Variants in ZFHX4 observed in about 807,000 individuals in gnomAD.
ZFHX4 encodes zinc finger homeobox protein 4.
ZFHX4 carries 56 observed loss-of-function variants against 267.6 expected under a neutral mutation model. The observed-to-expected ratio is 0.21, with a 90% confidence interval of 0.17 to 0.26. The LOEUF (loss-of-function observed/expected upper bound fraction) is 0.26, where lower values mean the gene tolerates loss of function less well. Ranked by LOEUF, ZFHX4 falls within the 10% of genes least tolerant of loss-of-function variation. ZFHX4 has a pLI of 1.00. For missense variants in ZFHX4, 4,332 were observed against 4,420.0 expected (o/e 0.98, Z 0.56); for synonymous variants, 1,778 against 1,665.6 (o/e 1.07, Z -1.64).
At chr8:76,783,587 A>T (rs1231515639) in intron 4 of ZFHX4, among the ~76,000 whole-genome samples, 3 of 152,028 alleles carry the variant, frequency 2.0e-5, no homozygotes, top group Non-Finnish European at 4.4e-5. Flanking sequence ...TGCATAATGT[A>T]TATAAAATAT....
chr8:76,737,289 T>C (rs563217824), intron 3 of ZFHX4, among the ~76,000 whole-genome samples: 7 of 152,186 alleles, frequency 4.6e-5, no homozygotes, highest in African/African-American at 1.7e-4. Flanking sequence ...ATTTCGACTT[T>C]AAGAAAATAT....
intron 4 of ZFHX4, among the ~76,000 whole-genome samples, chr8:76,780,601 T>G (rs1810522219): frequency 6.6e-6 from 1 of 152,068 alleles, no homozygotes; most frequent in African/African-American, 2.4e-5. Context: ...CTTCTCAAGC[T>G]CTCTTTTGGC....
At chr8:76,764,449 A>C (rs1210434281) in intron 3 of ZFHX4, among the ~76,000 whole-genome samples, 2 of 152,190 alleles carry the variant, frequency 1.3e-5, no homozygotes, top group African/African-American at 4.8e-5. Context: ...TTGAGATCTC[A>C]ACTGTAACTG....
intron 4 of ZFHX4, among the ~76,000 whole-genome samples, chr8:76,785,387 C>A (rs1306553661): frequency 6.6e-6 from 1 of 151,984 alleles, no homozygotes. Flanking sequence ...TAATGGAAAT[C>A]GGTGAAAACA....
Position 76,706,058 on chromosome 8 carries a change from A to C in ZFHX4, c.1970A>C (p.Gln657Pro). The change falls in exon 2 of 11, where the codon CAG (glutamine) becomes CCG (proline). Residue 657 changes from glutamine to proline, a missense_variant. By Grantham distance (76) the Gln-to-Pro change is moderately conservative. Coordinates refer to ENST00000651372, the MANE Select transcript of ZFHX4 (RefSeq NM_024721.5). ...PKCNWHYKYQ[Q>P]TLEAHMKEKH... ...TGTAACTGGCACTACAAATATCAGC[A>C]GACCCTGGAGGCCCATATGAAGGAG... The C allele has an allele frequency of 6.2e-7, 1 of 1,613,760 alleles. No individual in the cohort carries two copies. Among genetic ancestry groups the C allele is most frequent in the Non-Finnish European group, 8.5e-7 (1 of 1,179,848 alleles).
At chr8:76,819,550 G>C (rs62516841) in intron 4 of ZFHX4, among the ~76,000 whole-genome samples, 1 of 152,022 alleles carries the variant, frequency 6.6e-6, no homozygotes, top group Non-Finnish European at 1.5e-5. Context: ...GGTGGGTGCC[G>C]CTCTTCTGGG....
At chr8:76,731,678 T>C (rs1809014830) in intron 3 of ZFHX4, among the ~76,000 whole-genome samples, 1 of 152,044 alleles carries the variant, frequency 6.6e-6, no homozygotes, top group Non-Finnish European at 1.5e-5. Context: ...TTTCACACTT[T>C]CAGTATTAGT....
At chr8:76,860,514 C>T (rs1812838052) in intron 10 of ZFHX4, among the ~76,000 whole-genome samples, 1 of 152,018 alleles carries the variant, frequency 6.6e-6, no homozygotes, top group African/African-American at 2.4e-5. Flanking sequence ...TAAAATTTAT[C>T]TTGTCTTAAA....
intron 3 of ZFHX4, among the ~76,000 whole-genome samples, chr8:76,740,934 T>C (rs1809299342): frequency 6.6e-6 from 1 of 152,174 alleles, no homozygotes; most frequent in African/African-American, 2.4e-5. Context: ...GGCTCTGATA[T>C]AGTTTTGAAA....
intron 10 of ZFHX4, among the ~76,000 whole-genome samples, chr8:76,859,359 T>G (rs894589058): frequency 3.3e-5 from 5 of 152,126 alleles, no homozygotes; most frequent in African/African-American, 9.7e-5. Context: ...ATTTTTTTCT[T>G]TAATTTTTGT....
chr8:76,791,207 A>G (rs1382477589), intron 4 of ZFHX4, among the ~76,000 whole-genome samples: 1 of 152,136 alleles, frequency 6.6e-6, no homozygotes, highest in Non-Finnish European at 1.5e-5. Flanking sequence ...CTGAATTTCA[A>G]GAGTTTGGAG....
At position 76,681,537 on chromosome 8, in the gene ZFHX4, C is replaced by G; in HGVS notation, c.-130C>G. 1 of 398,056 alleles carries G rather than the reference C, an allele frequency of 2.5e-6. No individual in the cohort carries two copies. The highest frequency in any genetic ancestry group is 4.4e-6 in the Non-Finnish European group (1 of 225,944). The allele number at this position is 398,056 out of a possible 1,614,324, so 24.7% of individuals were successfully genotyped here. A position where few individuals can be genotyped will look rare whatever the true frequency, so the allele number is the denominator to read the frequency against. On this transcript the variant is annotated 5_prime_UTR_variant, in exon 1 of 11. Coordinates refer to ENST00000651372, the MANE Select transcript of ZFHX4 (RefSeq NM_024721.5). Reference sequence around the variant, plus strand: ...TTTTTTAATGAACCCTCTCGTTTTACTTGGATGTGATCAGCTGTAAGTAAA... The same window carrying G: ...TTTTTTAATGAACCCTCTCGTTTTAGTTGGATGTGATCAGCTGTAAGTAAA...
intron 4 of ZFHX4, among the ~76,000 whole-genome samples, chr8:76,822,064 C>A (rs1283876841): frequency 1.3e-5 from 2 of 152,114 alleles, no homozygotes; most frequent in African/African-American, 2.4e-5. Context: ...TACTTGACAC[C>A]TTTACTTGCC....
At chr8:76,778,503 A>T in intron 4 of ZFHX4, 64 bp downstream of exon 4, 1 of 1,232,436 alleles carries the variant, frequency 8.1e-7, no homozygotes, top group Admixed American at 1.7e-5. Flanking sequence ...ACACACACAC[A>T]CACACAAACA....
chr8:76,859,861 A>G (rs1812822824), intron 10 of ZFHX4, among the ~76,000 whole-genome samples: 1 of 152,150 alleles, frequency 6.6e-6, no homozygotes, highest in African/African-American at 2.4e-5. Flanking sequence ...GAGTGCGTTA[A>G]GAAGCAGGCA....
At chr8:76,813,946 CT>C (rs1227496198) in intron 4 of ZFHX4, among the ~76,000 whole-genome samples, 1 of 151,158 alleles carries the variant, frequency 6.6e-6, no homozygotes, top group Non-Finnish European at 1.5e-5. Context: ...CTTTTTTTTT[CT>C]TTAAAAGAGG....
intron 1 of ZFHX4, chr8:76,682,539 C>T (rs1419906939): frequency 6.6e-6 from 1 of 152,370 alleles, no homozygotes; most frequent in African/African-American, 2.4e-5. Flanking sequence ...CGCCCGGCCT[C>T]TGGGCCAGGG....
chr8:76,778,599 G>T (rs988478044), intron 4 of ZFHX4, among the ~76,000 whole-genome samples, 160 bp downstream of exon 4: 1 of 152,048 alleles, frequency 6.6e-6, no homozygotes, highest in Non-Finnish European at 1.5e-5. Context: ...AAATGAACAT[G>T]TTGTTCCCAT....
chr8:76,698,087 C>G (rs1808005569), intron 1 of ZFHX4, among the ~76,000 whole-genome samples: 1 of 152,006 alleles, frequency 6.6e-6, no homozygotes, highest in Non-Finnish European at 1.5e-5. Flanking sequence ...AAAACAGTAT[C>G]AAAGAAAGAC....
Sources: allele counts gnomAD v4.1 joint callset (sites outside exome capture counted in the v4.1 genomes callset), GRCh38; gene constraint gnomAD v4.1.1; transcripts MANE v1.5; gene names NCBI Gene and HGNC (gene_info 2026-07-23, HGNC 2026-07-21).